DPY19L1: variants seen among roughly 807,000 people sequenced by gnomAD.
DPY19L1 encodes the protein protein C-mannosyl-transferase DPY19L1.
In DPY19L1, 35 loss-of-function variants were observed where a neutral mutation model predicts 96.9. The ratio of observed to expected loss-of-function variants is 0.36; its 90% CI spans 0.28 to 0.48. The LOEUF (loss-of-function observed/expected upper bound fraction) is 0.48. Among genes scored for constraint, DPY19L1 ranks in the 20% least tolerant of loss-of-function variants. The pLI is 0.99. For synonymous variants in DPY19L1, 205 were observed against 252.6 expected, an observed-to-expected ratio of 0.81 and a Z score of 1.79; for missense variants, 521 against 777.9, an observed-to-expected ratio of 0.67 and a Z score of 3.93.
At chr7:35,012,923 G>A (rs1035786804) in intron 4 of DPY19L1, among the ~76,000 whole-genome samples, 1 of 149,984 alleles carries the variant, frequency 6.7e-6, no homozygotes, top group African/African-American at 2.4e-5. Context: ...ATGTATGTGT[G>A]TTATATATAC....
At chr7:34,959,902 T>C (rs12154523) in intron 10 of DPY19L1, among the ~76,000 whole-genome samples, 10 of 33,328 alleles carry the variant, frequency 3.0e-4, no homozygotes, top group Non-Finnish European at 4.4e-4. Flanking sequence ...TATATAAATA[T>C]ATATATATAT....
chr7:34,990,672 A>G (rs1785147659), intron 6 of DPY19L1, among the ~76,000 whole-genome samples: 1 of 152,200 alleles, frequency 6.6e-6, no homozygotes, highest in Non-Finnish European at 1.5e-5. Context: ...TGAGAGTGAA[A>G]TATGTTCCCT....
At chr7:34,985,993 T>C (rs917540324) in intron 7 of DPY19L1, among the ~76,000 whole-genome samples, 3 of 151,982 alleles carry the variant, frequency 2.0e-5, no homozygotes, top group African/African-American at 7.2e-5. Context: ...AAGGAAATTA[T>C]GTCATTTGAG....
At chr7:34,997,676 A>C (rs1477778198) in intron 6 of DPY19L1, among the ~76,000 whole-genome samples, 2 of 151,602 alleles carry the variant, frequency 1.3e-5, no homozygotes, top group Non-Finnish European at 2.9e-5. Context: ...AGCCTATTTA[A>C]GATGTGTTTT....
At chr7:35,035,200 A>G (rs1352051596) in intron 1 of DPY19L1, among the ~76,000 whole-genome samples, 2 of 152,206 alleles carry the variant, frequency 1.3e-5, no homozygotes, top group African/African-American at 4.8e-5. Flanking sequence ...TGTTCATCCA[A>G]CTTCCATATA....
At chr7:34,935,069 G>C (rs1783838579) in intron 21 of DPY19L1, among the ~76,000 whole-genome samples, 2 of 152,166 alleles carry the variant, frequency 1.3e-5, no homozygotes, top group Non-Finnish European at 2.9e-5. Flanking sequence ...TACTCACATG[G>C]AACACCTATG....
chr7:34,996,410 T>C (rs916858194), intron 6 of DPY19L1, among the ~76,000 whole-genome samples: 2 of 152,130 alleles, frequency 1.3e-5, no homozygotes, highest in Non-Finnish European at 2.9e-5. Flanking sequence ...GGTGAACAAC[T>C]ACCTATCCAA....
intron 6 of DPY19L1, among the ~76,000 whole-genome samples, chr7:35,007,973 C>G (rs1286736663): frequency 6.6e-6 from 1 of 152,094 alleles, no homozygotes; most frequent in Non-Finnish European, 1.5e-5. Context: ...AACCTCTGTT[C>G]CAATCTGAAT....
In DPY19L1 at chr7:34,947,637, A is replaced by G; in HGVS notation, c.1487T>C (p.Val496Ala). 1 of 1,611,418 alleles carries G rather than the reference A, an allele frequency of 6.2e-7. No individual in the cohort carries two copies. Among genetic ancestry groups the G allele is most frequent in the Non-Finnish European group, 8.5e-7 (1 of 1,178,632 alleles). ...PVVLVVFVAI[V>A]RKIISDMWGV... ...CTTAAGTGATAGACATACCTTTCTA[A>G]CAATAGCAACAAACACTACAAGAAC... is the stretch of plus-strand genomic sequence containing the variant. The change falls in exon 15 of 22, where the codon GTT (valine) becomes GCT (alanine). Residue 496 changes from valine to alanine, a missense_variant. Coordinates refer to ENST00000638088, the MANE Select transcript of DPY19L1 (RefSeq NM_001366673.1).
chr7:35,017,311 G>A (rs1266723045), intron 3 of DPY19L1, among the ~76,000 whole-genome samples: 2 of 151,260 alleles, frequency 1.3e-5, no homozygotes, highest in African/African-American at 4.9e-5. Context: ...GGCTAACAAG[G>A]TGAAACCCCG....
chr7:34,942,008 A>C, intron 17 of DPY19L1, 124 bp from the exon 18 acceptor site: 1 of 1,012,522 alleles, frequency 9.9e-7, no homozygotes, highest in South Asian at 1.9e-5. Context: ...AGGTTTCTGA[A>C]ACTTCGAAAA....
At chr7:35,001,567 T>C (rs1199524505) in intron 6 of DPY19L1, among the ~76,000 whole-genome samples, 2 of 152,134 alleles carry the variant, frequency 1.3e-5, no homozygotes, top group East Asian at 3.9e-4. Context: ...ACACTGCACC[T>C]CCCTTTTACA....
chr7:35,031,324 A>G (rs1786255091), intron 1 of DPY19L1, among the ~76,000 whole-genome samples: 1 of 152,248 alleles, frequency 6.6e-6, no homozygotes, highest in African/African-American at 2.4e-5. Context: ...AGGTATTCTA[A>G]GTAATCTAGG....
intron 6 of DPY19L1, among the ~76,000 whole-genome samples, chr7:34,996,425 T>C (rs528858098): frequency 3.2e-4 from 48 of 152,280 alleles, no homozygotes; most frequent in African/African-American, 8.7e-4. Context: ...ATCCAACAAC[T>C]GCAGCCTCTT....
intron 7 of DPY19L1, among the ~76,000 whole-genome samples, chr7:34,983,397 A>G (rs1784980753): frequency 1.3e-5 from 2 of 152,160 alleles, no homozygotes; most frequent in African/African-American, 4.8e-5. Flanking sequence ...TAAAACGTAT[A>G]GAAAAATATT....
At chr7:34,973,696 A>C in intron 7 of DPY19L1, 91 bp from the exon 8 acceptor site, 1 of 648,896 alleles carries the variant, frequency 1.5e-6, no homozygotes, top group Non-Finnish European at 2.3e-6. Context: ...AATTATTTTT[A>C]ACAAATAATT....
intron 10 of DPY19L1, among the ~76,000 whole-genome samples, chr7:34,965,601 G>T (rs1784593076): frequency 6.6e-6 from 1 of 152,028 alleles, no homozygotes; most frequent in South Asian, 2.1e-4. Context: ...TGGAGAGTAG[G>T]CTCCTGGTTG....
At chr7:34,990,539 T>A (rs1441870820) in intron 6 of DPY19L1, among the ~76,000 whole-genome samples, 1 of 152,254 alleles carries the variant, frequency 6.6e-6, no homozygotes, top group Non-Finnish European at 1.5e-5. Context: ...TATGTTTCAT[T>A]TGATTTCAAA....
chr7:35,018,467 T>G (rs1785912104), intron 2 of DPY19L1, 105 bp downstream of exon 2: 2 of 1,021,234 alleles, frequency 2.0e-6, no homozygotes, highest in Non-Finnish European at 3.0e-6. Flanking sequence ...GTAATATATA[T>G]TCATACTGAT....
Sources: allele counts gnomAD v4.1 joint callset (sites outside exome capture counted in the v4.1 genomes callset), GRCh38; gene constraint gnomAD v4.1.1; transcripts MANE v1.5; gene names NCBI Gene and HGNC (gene_info 2026-07-23, HGNC 2026-07-21).